The following BRPF1 variants were observed in gnomAD, a reference collection of about 807,000 sequenced individuals.
The protein encoded by BRPF1 is peregrin.
In BRPF1, 15 loss-of-function variants were observed where a neutral mutation model predicts 115.0. The observed-to-expected ratio is 0.13, with a 90% CI of 0.09 to 0.20. The LOEUF (loss-of-function observed/expected upper bound fraction) is 0.20, where lower values mean the gene tolerates loss of function less well. Among genes scored for constraint, BRPF1 ranks in the 10% least tolerant of loss-of-function variants. BRPF1 has a pLI of 1.00. For synonymous variants in BRPF1, 647 were observed against 619.8 expected (o/e 1.04, Z -0.65); for missense variants, 1,118 against 1,638.3 (o/e 0.68, Z 5.48).
chr3:9,745,428 TG>T lies in BRPF1; in HGVS notation c.3069-142del, dbSNP rs1340636515. The T allele has an allele frequency of 2.8e-6, 3 of 1,060,078 alleles. No homozygotes were observed. In the African/African-American group the frequency reaches 4.8e-5, roughly 17 times the overall value. 65.7% of individuals were successfully genotyped at this position (1,060,078 alleles called of 1,614,324 possible). ...TGTTAGGTCATCAGCCTAGCCCCTG[TG>T]GGTGTTTGAATTTGAAATTCCTCAT... On this transcript the variant is annotated intron_variant, in intron 10 of 13. Coordinates refer to ENST00000383829, the MANE Select transcript of BRPF1 (RefSeq NM_001003694.2). This position sits in a 1 kb window ranked among gnomAD's most constrained non-coding sequence, Gnocchi z 5.1.
rs991955850 is a variant in BRPF1, at chr3:9,743,505, G to T, written c.2312-73G>T. 9 of 1,503,876 alleles carry T rather than the reference G, an allele frequency of 6.0e-6. No homozygotes were observed. The highest frequency in any genetic ancestry group is 7.2e-6 in the Non-Finnish European group (8 of 1,110,656). 93.2% of individuals were successfully genotyped at this position (1,503,876 alleles called of 1,614,324 possible). A position where few individuals can be genotyped will look rare whatever the true frequency, so the allele number is the denominator to read the frequency against. On this transcript the variant is annotated intron_variant, in intron 7 of 13. Coordinates refer to ENST00000383829, the MANE Select transcript of BRPF1 (RefSeq NM_001003694.2). This position sits in a 1 kb window ranked among gnomAD's most constrained non-coding sequence, Gnocchi z 6.1. Reference sequence around the variant, plus strand: ...CCCAGGGGGGATGAGTGGGTTTCTTGCTGCCTGCCCAGGTTCAAGGGGCCC... The same window carrying T: ...CCCAGGGGGGATGAGTGGGTTTCTTTCTGCCTGCCCAGGTTCAAGGGGCCC...
At position 9,743,102 on chromosome 3, in the gene BRPF1, C is replaced by T. The variant is rs370829290; in HGVS notation, c.2160C>T (p.Phe720=). 4 of 1,614,166 alleles carry T rather than the reference C, an allele frequency of 2.5e-6. No individual in the cohort carries two copies. Among genetic ancestry groups the T allele is most frequent in the Non-Finnish European group, 3.4e-6 (4 of 1,180,062 alleles). Residue 720 remains phenylalanine, a synonymous_variant, in exon 7 of 14, where the codon TTC becomes TTT. Transcript: ENST00000383829. The surrounding 1 kb of genome is among the most constrained non-coding windows in gnomAD (Gnocchi z 6.1). ...CLKYNAKDTI[F]YRAAVRLREQ... is the part of the protein sequence containing the mutation. ...AGTATAACGCCAAGGACACCATCTT[C>T]TACCGGGCAGCAGTGCGGCTTCGTG... is the stretch of plus-strand genomic sequence containing the variant.
At chr3:9,738,927 G>T in intron 2 of BRPF1, 72 bp from the exon 3 acceptor site, 4 of 1,447,270 alleles carry the variant, frequency 2.8e-6, no homozygotes, top group Non-Finnish European at 3.7e-6. Context: ...GTGCTCAATG[G>T]CAAATGACCC....
intron 8 of BRPF1, 62 bp from the exon 9 acceptor site, chr3:9,744,162 G>A (rs1232550764): frequency 6.7e-7 from 1 of 1,490,210 alleles, no homozygotes. Context: ...CATGACCCTG[G>A]ATATCTACCC....
At position 9,747,501 on chromosome 3, in the gene BRPF1, C is replaced by T. The variant is rs535769331; in HGVS notation, c.*152C>T. The T allele has an allele frequency of 1.8e-5, 15 of 841,810 alleles. No homozygotes were observed. In the South Asian group the frequency reaches 2.3e-4, roughly 13 times the overall value. The allele number at this position is 841,810 out of a possible 1,614,324, so 52.1% of individuals were successfully genotyped here. ...CTGGGTGGGGGAGGTCCCTCCTGCC[C>T]TAAGTGCAGCTGGACTGTACAGAAC... On this transcript the variant is annotated 3_prime_UTR_variant, in exon 14 of 14. Transcript: ENST00000383829. The surrounding 1 kb of genome is among the most constrained non-coding windows in gnomAD (Gnocchi z 5.6).
Position 9,747,084 on chromosome 3 carries a change from G to A in BRPF1, c.3480-82G>A. The stretch of plus-strand genomic sequence containing the variant: ...GTCTGGCCAGAGTGGGTGCTTGGGT[G>A]GTGTGTTTGAGTGAATAGAGGAGGA... On this transcript the variant is annotated intron_variant, in intron 13 of 13. Coordinates refer to ENST00000383829, the MANE Select transcript of BRPF1 (RefSeq NM_001003694.2). The surrounding 1 kb of genome is among the most constrained non-coding windows in gnomAD (Gnocchi z 5.6). The A allele has an allele frequency of 6.7e-7, 1 of 1,486,494 alleles. No homozygotes were observed. Among genetic ancestry groups the A allele is most frequent in the Middle Eastern group, 1.9e-4 (1 of 5,212 alleles). 92.1% of individuals were successfully genotyped at this position (1,486,494 alleles called of 1,614,324 possible).
At position 9,745,597 on chromosome 3, in the gene BRPF1, G is replaced by A. The variant is rs146814381; in HGVS notation, c.3093G>A (p.Arg1031=). 39 of 1,614,100 alleles carry A rather than the reference G, an allele frequency of 2.4e-5. No individual in the cohort carries two copies. The African/African-American group carries it at 3.9e-4, about 16-fold the overall frequency. ...GCACAACGCCCTCAAAACAAGGCCG[G>A]GGCAAACCCTCCTTCTCTCGGGGCA... ...RTSTTPSKQG[R]GKPSFSRGTF... Residue 1031 remains arginine, a synonymous_variant, in exon 11 of 14, where the codon CGG becomes CGA. Coordinates refer to ENST00000383829, the MANE Select transcript of BRPF1 (RefSeq NM_001003694.2). This position sits in a 1 kb window ranked among gnomAD's most constrained non-coding sequence, Gnocchi z 5.1.
intron 12 of BRPF1, 101 bp downstream of exon 12, chr3:9,746,031 T>C (rs2077119894): frequency 7.3e-7 from 1 of 1,371,108 alleles, no homozygotes; most frequent in East Asian, 2.3e-5. Context: ...GGGCACAGAG[T>C]TTCTTGGTAA....
intron 13 of BRPF1, among the ~76,000 whole-genome samples, chr3:9,746,894 C>T (rs758621402): frequency 2.0e-5 from 3 of 152,174 alleles, no homozygotes; most frequent in Non-Finnish European, 4.4e-5. Flanking sequence ...TGCCTAGAGC[C>T]TATGGCACAG....
At chr3:9,744,158 C>T (rs2077081876) in intron 8 of BRPF1, 66 bp from the exon 9 acceptor site, 4 of 1,486,448 alleles carry the variant, frequency 2.7e-6, no homozygotes, top group Non-Finnish European at 3.6e-6. Flanking sequence ...AGGGCATGAC[C>T]CTGGATATCT....
At position 9,747,453 on chromosome 3, in the gene BRPF1, C is replaced by T; in HGVS notation, c.*104C>T. The T allele has an allele frequency of 7.0e-7, 1 of 1,424,460 alleles. No individual in the cohort carries two copies. 88.2% of individuals were successfully genotyped at this position (1,424,460 alleles called of 1,614,324 possible). On this transcript the variant is annotated 3_prime_UTR_variant, in exon 14 of 14. Coordinates refer to ENST00000383829, the MANE Select transcript of BRPF1 (RefSeq NM_001003694.2). The surrounding 1 kb of genome is among the most constrained non-coding windows in gnomAD (Gnocchi z 5.6). ...GCCTCTGCACTGACTCATTTCTGGTCTTGGGGCCAGTCTCAGGGGAAGCTG... is the reference window on the plus strand; with the variant it reads ...GCCTCTGCACTGACTCATTTCTGGTTTTGGGGCCAGTCTCAGGGGAAGCTG...
chr3:9,742,470 T>C (rs146380969), intron 6 of BRPF1: 3 of 985,438 alleles, frequency 3.0e-6, no homozygotes, highest in African/African-American at 1.7e-5. Context: ...ACGGAGACTT[T>C]AGAAGGCTCA....
Position 9,744,276 on chromosome 3 carries a change from C to T in BRPF1, c.2688C>T (p.Thr896=). 1.9e-6 allele frequency: 3 copies of T among 1,606,750 alleles called. No individual in the cohort carries two copies. Among genetic ancestry groups the T allele is most frequent in the Non-Finnish European group, 2.6e-6 (3 of 1,176,156 alleles). The change falls in exon 9 of 14, where the codon ACC becomes ACT. Residue 896 remains threonine, a synonymous_variant. Transcript: ENST00000383829. ...STPAHEVGRR[T]SVLFSKKNPK... ...CCGCACATGAGGTGGGCAGGAGAAC[C>T]TCAGTTCTGTTCTCCAAAAAGAACC...
chr3:9,734,417 G>T lies in BRPF1; in HGVS notation c.277G>T (p.Ala93Ser), dbSNP rs1020419178. ...ACCAGGCCGTGAGGTGATGAGCTAT[G>T]CACAGGCCCAGCGCATGGTGGAGGT... ...QSPGREVMSYAQAQRMVEVDL... is the reference protein window; with the variant it reads ...QSPGREVMSYSQAQRMVEVDL... Residue 93 changes from alanine (A) to serine (S), a missense_variant, in exon 2 of 14, where the codon GCA becomes TCA. This residue lies in a region of BRPF1 where 280 missense variants were observed against 382.8 expected (regional missense o/e 0.73). Coordinates refer to ENST00000383829, the MANE Select transcript of BRPF1 (RefSeq NM_001003694.2). The surrounding 1 kb of genome is among the most constrained non-coding windows in gnomAD (Gnocchi z 5.7). 1 of 1,614,154 alleles carries T rather than the reference G, an allele frequency of 6.2e-7. No homozygotes were observed. Among genetic ancestry groups the T allele is most frequent in the Admixed American group, 1.7e-5 (1 of 60,028 alleles).
At chr3:9,738,277 AG>A (rs2076974395) in intron 2 of BRPF1, among the ~76,000 whole-genome samples, 1 of 152,208 alleles carries the variant, frequency 6.6e-6, no homozygotes, top group African/African-American at 2.4e-5. Context: ...AACTTCTCAA[AG>A]CTTAAGTTTT....
At chr3:9,741,216 T>G (rs2077023643) in intron 4 of BRPF1, 92 bp from the exon 5 acceptor site, 3 of 1,450,290 alleles carry the variant, frequency 2.1e-6, no homozygotes, top group Admixed American at 2.3e-5. Context: ...CTCCCTCTTT[T>G]GGCTTGACCT....
intron 8 of BRPF1, 71 bp from the exon 9 acceptor site, chr3:9,744,153 A>G (rs1269232014): frequency 1.6e-5 from 23 of 1,455,760 alleles, no homozygotes; most frequent in Non-Finnish European, 1.8e-5. Context: ...TGCCCAGGGC[A>G]TGACCCTGGA....
At chr3:9,738,930 A>G (rs568502526) in intron 2 of BRPF1, 69 bp from the exon 3 acceptor site, 2 of 1,465,826 alleles carry the variant, frequency 1.4e-6, no homozygotes, top group South Asian at 2.8e-5. Context: ...CTCAATGGCA[A>G]ATGACCCATC....
rs1460850899 is a variant in BRPF1, at chr3:9,740,820, G to A, written c.1601G>A (p.Ser534Asn). 2 of 1,614,164 alleles carry A rather than the reference G, an allele frequency of 1.2e-6. No individual in the cohort carries two copies. The highest frequency in any genetic ancestry group is 1.7e-6 in the Non-Finnish European group (2 of 1,180,034). The change falls in exon 4 of 14, where the codon AGC (serine) becomes AAC (asparagine). Residue 534 changes from serine to asparagine, a missense_variant. This residue lies in a region of BRPF1 where 178 missense variants were observed against 303.7 expected (regional missense o/e 0.59). Transcript: ENST00000383829. ...AACCGCCTGACCATCCAAAGGAAGA[G>A]CCAGTTCATGCAGAGGCTGCACAGC... Reference protein sequence around the residue: ...ITNRLTIQRKSQFMQRLHSYW... With the variant: ...ITNRLTIQRKNQFMQRLHSYW...
Sources: gnomAD v4.1 joint callset for allele counts (sites outside exome capture counted in the v4.1 genomes callset) on GRCh38, gnomAD v4.1.1 for gene constraint, gnomAD v4.1.1 regional missense constraint, Gnocchi (gnomAD v3.1) non-coding constraint, MANE v1.5 for transcripts, NCBI Gene and HGNC (gene_info 2026-07-23, HGNC 2026-07-21) for gene names.